Variants in UTRN observed in about 807,000 individuals in gnomAD.
UTRN encodes the protein utrophin, also known as dystrophin-related protein 1.
Under a neutral mutation model 463.9 loss-of-function variants are expected in UTRN, and 283 were observed. The observed-to-expected ratio is 0.61, with a 90% CI of 0.55 to 0.67. The LOEUF is 0.67. UTRN is among the 30% of genes least tolerant of loss of function. The pLI is 0.00. For missense variants in UTRN, 3,922 were observed against 4,084.3 expected (o/e 0.96, Z 1.08); for synonymous variants, 1,442 against 1,431.5 (o/e 1.01, Z -0.17).
At chr6:144,779,826 C>A (rs1340071496) in intron 60 of UTRN, among the ~76,000 whole-genome samples, 1 of 152,046 alleles carries the variant, frequency 6.6e-6, no homozygotes, top group Non-Finnish European at 1.5e-5. Flanking sequence ...CCTTCTCTAA[C>A]TCATATGAAG....
chr6:144,718,485 T>C (rs1440709426), intron 53 of UTRN, among the ~76,000 whole-genome samples: 1 of 152,202 alleles, frequency 6.6e-6, no homozygotes, highest in Non-Finnish European at 1.5e-5. Flanking sequence ...TTTTTTATTC[T>C]ACAGCACTGA....
chr6:144,628,898 T>C (rs1776225689), intron 51 of UTRN, among the ~76,000 whole-genome samples: 1 of 152,184 alleles, frequency 6.6e-6, no homozygotes, highest in Non-Finnish European at 1.5e-5. Context: ...CTGGTTTAAC[T>C]GATCAGGGCA....
At chr6:144,599,661 A>C (rs1804031199) in intron 51 of UTRN, among the ~76,000 whole-genome samples, 1 of 152,212 alleles carries the variant, frequency 6.6e-6, no homozygotes, top group African/African-American at 2.4e-5. Context: ...TATATTAAAA[A>C]GAAAGTGCAC....
chr6:144,461,316 G>T lies in UTRN; in HGVS notation c.2827G>T (p.Val943Leu). The stretch of plus-strand genomic sequence containing the variant: ...GAATGTCCTTAATGATCTTGCCAAG[G>T]TGGAGAAGGCCCTGCAAGAAAAAAA... ...SLNVLNDLAK[V>L]EKALQEKKTL... is the part of the protein sequence containing the mutation. Residue 943 changes from valine to leucine, a missense_variant, in exon 22 of 75, where the codon GTG (valine) becomes TTG (leucine). This residue lies in a region of UTRN where 2,349 missense variants were observed against 2,303.8 expected (regional missense o/e 1.02). Transcript: ENST00000367545. 6.3e-7 allele frequency: 1 copy of T among 1,583,210 alleles called. No individual in the cohort carries two copies. The highest frequency in any genetic ancestry group is 8.6e-7 in the Non-Finnish European group (1 of 1,163,336).
rs769843087 is a variant in UTRN, at chr6:144,444,260, G to C, written c.1513-21G>C. On this transcript the variant is annotated intron_variant, in intron 13 of 74. Transcript: ENST00000367545. ...CTCTCTTAAGGCTGTGTTGACAAAG[G>C]ATGGTTTCTCCTTTTTCTAGAAACT... 7 of 1,596,964 alleles carry C rather than the reference G, an allele frequency of 4.4e-6. No individual in the cohort carries two copies. The African/African-American group carries it at 5.4e-5, about 12-fold the overall frequency.
At chr6:144,745,656 CAG>C (rs1790652792) in intron 54 of UTRN, among the ~76,000 whole-genome samples, 3 of 152,146 alleles carry the variant, frequency 2.0e-5, no homozygotes, top group Non-Finnish European at 4.4e-5. Flanking sequence ...ATAAAAACGT[CAG>C]AGGCAGCAGA....
rs146352112 is a variant in UTRN, at chr6:144,392,746, C to G, written c.80-10377C>G. Among the ~76,000 whole-genome samples the G allele has an allele frequency of 1.1e-3, 163 of 152,258 alleles. 1 individual carries two copies. Among genetic ancestry groups the G allele is most frequent in the African/African-American group, 3.8e-3 (156 of 41,548 alleles). ...TGTGTCTTACTGTGATCTTGGCAAG[C>G]TTTTGTAGTGGTTAAGGCACCCAAG... is the stretch of plus-strand genomic sequence containing the variant. On this transcript the variant is annotated intron_variant, in intron 2 of 74. Coordinates refer to ENST00000367545, the MANE Select transcript of UTRN (RefSeq NM_007124.3).
intron 2 of UTRN, among the ~76,000 whole-genome samples, chr6:144,300,002 T>C (rs2114528974): frequency 6.6e-6 from 1 of 152,268 alleles, no homozygotes; most frequent in East Asian, 1.9e-4. Flanking sequence ...GATTTTTATG[T>C]GAAGATGAAT....
In UTRN at chr6:144,487,700, A is replaced by G; in HGVS notation, c.3972+3A>G. 1.2e-6 allele frequency: 2 copies of G among 1,609,364 alleles called. No individual in the cohort carries two copies. The highest frequency in any genetic ancestry group is 1.7e-6 in the Non-Finnish European group (2 of 1,177,338). On this transcript the variant is annotated splice_donor_region_variant and intron_variant, in intron 29 of 74. Transcript: ENST00000367545. ...GATATGAAGATCTAAGTCACCTGGT[A>G]AGAGTTGGGACATACATGGGTGTTG...
intron 51 of UTRN, among the ~76,000 whole-genome samples, chr6:144,594,215 G>A (rs1427706418): frequency 6.6e-6 from 1 of 152,154 alleles, no homozygotes; most frequent in Non-Finnish European, 1.5e-5. Flanking sequence ...TTTATAAATA[G>A]GGAAGCAGTG....
intron 52 of UTRN, among the ~76,000 whole-genome samples, chr6:144,685,870 C>T (rs1782703499): frequency 6.6e-6 from 1 of 152,020 alleles, no homozygotes; most frequent in South Asian, 2.1e-4. Flanking sequence ...ATTTCTTTTG[C>T]TGTGCAGAAG....
At chr6:144,732,200 T>C (rs1197568272) in intron 54 of UTRN, among the ~76,000 whole-genome samples, 3 of 143,520 alleles carry the variant, frequency 2.1e-5, no homozygotes, top group Admixed American at 7.1e-5. Context: ...ATTATTCCTT[T>C]TGAGTACTCT....
At chr6:144,633,045 T>C (rs1457942030) in intron 51 of UTRN, among the ~76,000 whole-genome samples, 1 of 152,042 alleles carries the variant, frequency 6.6e-6, no homozygotes, top group Admixed American at 6.6e-5. Context: ...TTAAAGTATG[T>C]TTTTAAACAA....
At chr6:144,741,466 G>A (rs766952727) in intron 54 of UTRN, among the ~76,000 whole-genome samples, 1 of 152,138 alleles carries the variant, frequency 6.6e-6, no homozygotes, top group Non-Finnish European at 1.5e-5. Flanking sequence ...TAACAAGTAC[G>A]TTTTGAGTGC....
At chr6:144,616,951 C>A (rs990662190) in intron 51 of UTRN, among the ~76,000 whole-genome samples, 3 of 152,128 alleles carry the variant, frequency 2.0e-5, no homozygotes, top group Admixed American at 1.3e-4. Context: ...TATTGACTAT[C>A]CTTTGCCTTT....
chr6:144,457,750 G>T (rs1789005917), intron 19 of UTRN, among the ~76,000 whole-genome samples: 1 of 152,110 alleles, frequency 6.6e-6, no homozygotes, highest in Non-Finnish European at 1.5e-5. Context: ...TTTCAAAGTT[G>T]CATTGTCTGT....
At chr6:144,633,425 C>G (rs1053333599) in intron 51 of UTRN, among the ~76,000 whole-genome samples, 3 of 151,912 alleles carry the variant, frequency 2.0e-5, no homozygotes, top group African/African-American at 7.3e-5. Flanking sequence ...GTAAAGACGG[C>G]GTTTCACCGT....
At chr6:144,728,791 A>T (rs1279883773) in intron 53 of UTRN, among the ~76,000 whole-genome samples, 4 of 152,204 alleles carry the variant, frequency 2.6e-5, no homozygotes, top group African/African-American at 9.6e-5. Context: ...TTGCTCGTTC[A>T]TTTAAATTTT....
chr6:144,327,555 T>G (rs994637650), intron 2 of UTRN, among the ~76,000 whole-genome samples: 7 of 152,152 alleles, frequency 4.6e-5, no homozygotes, highest in Non-Finnish European at 1.0e-4. Flanking sequence ...TTCCCTGGAT[T>G]TTAATGGTTG....
Sources: allele counts gnomAD v4.1 joint callset (sites outside exome capture counted in the v4.1 genomes callset), GRCh38; gene constraint gnomAD v4.1.1; regional missense constraint gnomAD v4.1.1; transcripts MANE v1.5; gene names NCBI Gene and HGNC (gene_info 2026-07-23, HGNC 2026-07-21).